The following KLHL29 variants were observed in gnomAD, a reference collection of about 807,000 sequenced individuals.
KLHL29 encodes the protein kelch like family member 29.
In KLHL29, 21 loss-of-function variants were observed where a neutral mutation model predicts 80.4. The ratio of observed to expected loss-of-function variants is 0.26; its 90% CI spans 0.19 to 0.38. The LOEUF is 0.38. Among genes scored for constraint, KLHL29 ranks in the 10% least tolerant of loss-of-function variants. The probability of loss-of-function intolerance (pLI) is 1.00; values close to 1 mark genes in which losing one functional copy is unlikely to be tolerated. For synonymous variants in KLHL29, 511 were observed against 526.8 expected (o/e 0.97, Z 0.41); for missense variants, 867 against 1,223.9 (o/e 0.71, Z 4.35).
intron 5 of KLHL29, among the ~76,000 whole-genome samples, chr2:23,663,509 C>T (rs1347873999): frequency 5.3e-5 from 8 of 152,248 alleles, no homozygotes; most frequent in Non-Finnish European, 1.5e-5. Context: ...CGCCTATTTG[C>T]ATATGCGTAC....
intron 2 of KLHL29, among the ~76,000 whole-genome samples, chr2:23,479,671 T>C (rs1664733992): frequency 6.6e-6 from 1 of 152,154 alleles, no homozygotes; most frequent in African/African-American, 2.4e-5. Flanking sequence ...CTGATTCACA[T>C]ATCAGACTCT....
At chr2:23,666,599 A>G (rs1572479008) in intron 5 of KLHL29, among the ~76,000 whole-genome samples, 3 of 152,220 alleles carry the variant, frequency 2.0e-5, no homozygotes, top group Admixed American at 6.5e-5. Flanking sequence ...GGGGTTGCAA[A>G]TGAGGGCTGG....
At chr2:23,475,178 T>G in intron 1 of KLHL29, among the ~76,000 whole-genome samples, 1 of 152,122 alleles carries the variant, frequency 6.6e-6, no homozygotes, top group Non-Finnish European at 1.5e-5. Context: ...TGCTGGAGTT[T>G]CTTAGTTTGG....
At chr2:23,511,832 G>A (rs1355826553) in intron 2 of KLHL29, among the ~76,000 whole-genome samples, 2 of 152,144 alleles carry the variant, frequency 1.3e-5, no homozygotes, top group African/African-American at 4.8e-5. Context: ...TGTGGCTGGT[G>A]GGGGTGGTGG....
At chr2:23,641,427 GC>G (rs1169075351) in intron 4 of KLHL29, among the ~76,000 whole-genome samples, 2 of 152,212 alleles carry the variant, frequency 1.3e-5, no homozygotes, top group African/African-American at 4.8e-5. Flanking sequence ...CGAGGACCAT[GC>G]CCGGCCCCGG....
intron 1 of KLHL29, among the ~76,000 whole-genome samples, chr2:23,412,263 T>A (rs1666884353): frequency 6.6e-6 from 1 of 152,006 alleles, no homozygotes; most frequent in East Asian, 1.9e-4. Context: ...TCAGGGTGTG[T>A]CAATGGTTGA....
At chr2:23,673,963 G>C (rs1670854073) in intron 5 of KLHL29, among the ~76,000 whole-genome samples, 2 of 152,188 alleles carry the variant, frequency 1.3e-5, no homozygotes, top group African/African-American at 4.8e-5. Flanking sequence ...GTGACCTTCA[G>C]TCCCTAACAT....
intron 2 of KLHL29, among the ~76,000 whole-genome samples, chr2:23,525,670 A>G (rs368440501): frequency 6.6e-6 from 1 of 150,618 alleles, no homozygotes; most frequent in African/African-American, 2.4e-5. Flanking sequence ...AGAGTAAGGC[A>G]TGGAACCTGC....
At position 23,566,727 on chromosome 2, in the gene KLHL29, C is replaced by T. The variant is rs116013924; in HGVS notation, c.285+4246C>T. Among the ~76,000 whole-genome samples, 377 of 152,316 alleles carry T rather than the reference C, an allele frequency of 2.5e-3. 4 individuals are homozygous for T. The highest frequency in any genetic ancestry group is 8.5e-3 in the African/African-American group (354 of 41,556). On this transcript the variant is annotated intron_variant, in intron 3 of 13. Transcript: ENST00000486442. ...TGTCTCTGAACCTCAGTTTCTTTGTCTCTAAGAATTGGGAATAATCATAGA... is the reference window on the plus strand; with the variant it reads ...TGTCTCTGAACCTCAGTTTCTTTGTTTCTAAGAATTGGGAATAATCATAGA...
chr2:23,497,563 CAG>C (rs1463505517), intron 2 of KLHL29, among the ~76,000 whole-genome samples: 1 of 152,176 alleles, frequency 6.6e-6, no homozygotes, highest in Non-Finnish European at 1.5e-5. Context: ...CACCTCCACC[CAG>C]AGAGGCAGGG....
At chr2:23,411,366 T>A (rs1208106474) in intron 1 of KLHL29, among the ~76,000 whole-genome samples, 1 of 148,044 alleles carries the variant, frequency 6.8e-6, no homozygotes, top group Non-Finnish European at 1.5e-5. Context: ...ATTGGGTATG[T>A]ATGTTGCAAA....
At chr2:23,510,289 G>C (rs1409886633) in intron 2 of KLHL29, among the ~76,000 whole-genome samples, 2 of 152,176 alleles carry the variant, frequency 1.3e-5, no homozygotes, top group Non-Finnish European at 2.9e-5. Flanking sequence ...AAGCATGACT[G>C]GGGGCACCAG....
intron 1 of KLHL29, among the ~76,000 whole-genome samples, chr2:23,474,452 T>G (rs557945514): frequency 6.6e-6 from 1 of 152,238 alleles, no homozygotes; most frequent in Non-Finnish European, 1.5e-5. Flanking sequence ...AGAGGAAATG[T>G]ACTCGCCACT....
At chr2:23,417,812 GC>G (rs1463713358) in intron 1 of KLHL29, among the ~76,000 whole-genome samples, 1 of 152,064 alleles carries the variant, frequency 6.6e-6, no homozygotes, top group Non-Finnish European at 1.5e-5. Flanking sequence ...TGGATTTTTA[GC>G]CTTGAGTTTC....
intron 3 of KLHL29, among the ~76,000 whole-genome samples, chr2:23,619,997 A>G (rs1427106658): frequency 6.6e-6 from 1 of 152,180 alleles, no homozygotes; most frequent in African/African-American, 2.4e-5. Context: ...AACCAGGGGA[A>G]ATGCATCTGA....
At position 23,575,167 on chromosome 2, in the gene KLHL29, C is replaced by CCCTTAAG. The variant is rs571514468; in HGVS notation, c.285+12687_285+12693dup. Reference sequence around the variant, plus strand: ...TGCCAAGCACAGTGGGCGGGTCAGGCCCTTAAGAAAGAGGGTTGTGGTGGA... The same window carrying CCCTTAAG: ...TGCCAAGCACAGTGGGCGGGTCAGGCCCTTAAGCCTTAAGAAAGAGGGTTGTGGTGGA... On this transcript the variant is annotated intron_variant, in intron 3 of 13. Transcript: ENST00000486442. Among the ~76,000 whole-genome samples the CCCTTAAG allele has an allele frequency of 2.4e-4, 36 of 152,280 alleles. No individual in the cohort carries two copies. In the East Asian group the frequency reaches 6.8e-3, roughly 29 times the overall value.
intron 1 of KLHL29, among the ~76,000 whole-genome samples, chr2:23,406,475 C>T (rs1666735616): frequency 1.3e-5 from 2 of 151,980 alleles, no homozygotes; most frequent in Admixed American, 6.6e-5. Context: ...TGCTTTTTTA[C>T]TTTAGTATAC....
At chr2:23,636,807 T>C (rs543234478) in intron 3 of KLHL29, among the ~76,000 whole-genome samples, 7 of 152,296 alleles carry the variant, frequency 4.6e-5, no homozygotes, top group Admixed American at 4.6e-4. Flanking sequence ...CCACCAATTT[T>C]AGGGTGACCG....
intron 1 of KLHL29, among the ~76,000 whole-genome samples, chr2:23,449,411 T>G (rs1214487984): frequency 1.3e-5 from 2 of 152,178 alleles, no homozygotes; most frequent in Non-Finnish European, 2.9e-5. Context: ...GTTCGCCTAG[T>G]CTATAGGTTG....
Sources: gnomAD v4.1 joint callset for allele counts (sites outside exome capture counted in the v4.1 genomes callset) on GRCh38, gnomAD v4.1.1 for gene constraint, MANE v1.5 for transcripts, NCBI Gene and HGNC (gene_info 2026-07-23, HGNC 2026-07-21) for gene names.